Variants in RPS6KA5 observed in about 807,000 individuals in gnomAD.
The protein encoded by RPS6KA5 is ribosomal protein S6 kinase alpha-5.
Under a neutral mutation model 85.5 loss-of-function variants are expected in RPS6KA5, and 27 were observed. That is an observed-to-expected ratio of 0.32 (90% CI 0.23 to 0.44). RPS6KA5 has a LOEUF of 0.44. Among genes scored for constraint, RPS6KA5 ranks in the 20% least tolerant of loss-of-function variants. RPS6KA5 has a pLI of 1.00. For synonymous variants in RPS6KA5, 334 were observed against 348.2 expected, an observed-to-expected ratio of 0.96 and a Z score of 0.46; for missense variants, 811 against 980.9, an observed-to-expected ratio of 0.83 and a Z score of 2.31.
At chr14:91,045,461 G>A (rs1228202847) in intron 1 of RPS6KA5, among the ~76,000 whole-genome samples, 3 of 151,910 alleles carry the variant, frequency 2.0e-5, no homozygotes, top group African/African-American at 7.3e-5. Context: ...ATGGGGTTTC[G>A]CCGTGTTGGC....
intron 5 of RPS6KA5, among the ~76,000 whole-genome samples, chr14:90,924,364 T>G (rs1365080882): frequency 6.6e-6 from 1 of 152,202 alleles, no homozygotes; most frequent in African/African-American, 2.4e-5. Flanking sequence ...GAATTTGTAT[T>G]TATTTGCCTA....
At position 90,848,589 on chromosome 14, in the gene RPS6KA5, A is replaced by G. The variant is rs1268360319; in HGVS notation, c.*23485T>C. On this transcript the variant is annotated 3_prime_UTR_variant, in exon 17 of 17. Coordinates refer to ENST00000614987, the MANE Select transcript of RPS6KA5 (RefSeq NM_004755.4). Reference sequence around the variant, plus strand: ...AAATGACATAAAATGAAGATACAAAATAAAATTGATCCTTGATGTGAGAAT... The same window carrying G: ...AAATGACATAAAATGAAGATACAAAGTAAAATTGATCCTTGATGTGAGAAT... The G allele has an allele frequency of 3.3e-5, 5 of 152,204 alleles. No homozygotes were observed. The highest frequency in any genetic ancestry group is 3.3e-4 in the Admixed American group (5 of 15,272). The allele number at this position is 152,204 out of a possible 1,614,324, so 9.4% of individuals were successfully genotyped here.
At chr14:90,883,418 C>G (rs146444799) in intron 14 of RPS6KA5, among the ~76,000 whole-genome samples, 12 of 152,222 alleles carry the variant, frequency 7.9e-5, no homozygotes, top group African/African-American at 2.6e-4. Flanking sequence ...GCCTCTGAAA[C>G]CCTCTATTGA....
intron 1 of RPS6KA5, among the ~76,000 whole-genome samples, chr14:91,011,019 C>G (rs2041233171): frequency 6.6e-6 from 1 of 152,166 alleles, no homozygotes; most frequent in South Asian, 2.1e-4. Context: ...AATAGAATGC[C>G]TCAGCAGTCA....
chr14:91,006,042 A>G (rs991630655), intron 1 of RPS6KA5, among the ~76,000 whole-genome samples: 8 of 152,156 alleles, frequency 5.3e-5, no homozygotes, highest in Non-Finnish European at 1.0e-4. Context: ...TAGTTGTGGG[A>G]AAAAAGGACT....
intron 2 of RPS6KA5, among the ~76,000 whole-genome samples, chr14:90,997,319 GA>G (rs1415242290): frequency 7.2e-5 from 11 of 152,078 alleles, no homozygotes; most frequent in African/African-American, 2.4e-4. Flanking sequence ...ACCTGAAAAT[GA>G]AAAAAACATA....
intron 1 of RPS6KA5, among the ~76,000 whole-genome samples, chr14:91,043,700 T>C (rs1302500691): frequency 6.6e-6 from 1 of 152,208 alleles, no homozygotes; most frequent in Non-Finnish European, 1.5e-5. Flanking sequence ...CAAACTTACT[T>C]TGATAGGTAC....
Position 90,867,536 on chromosome 14 carries a change from A to C in RPS6KA5, c.*4538T>G, listed in dbSNP as rs1475298089. ...TTTCTGATAACCCAAGCAGCATTAT[A>C]TTAATAGTTAGAATACTACTACAAA... is the stretch of plus-strand genomic sequence containing the variant. On this transcript the variant is annotated 3_prime_UTR_variant, in exon 17 of 17. Coordinates refer to ENST00000614987, the MANE Select transcript of RPS6KA5 (RefSeq NM_004755.4). 2.0e-5 allele frequency: 3 copies of C among 152,218 alleles called. No homozygotes were observed. The highest frequency in any genetic ancestry group is 7.2e-5 in the African/African-American group (3 of 41,468). 9.4% of individuals were successfully genotyped at this position (152,218 alleles called of 1,614,324 possible). A position where few individuals can be genotyped will look rare whatever the true frequency, so the allele number is the denominator to read the frequency against.
rs2032875982 is a variant in RPS6KA5, at chr14:90,868,058, A to C, written c.*4016T>G. 1 of 152,222 alleles carries C rather than the reference A, an allele frequency of 6.6e-6. No homozygotes were observed. The highest frequency in any genetic ancestry group is 2.4e-5 in the African/African-American group (1 of 41,454). The allele number at this position is 152,222 out of a possible 1,614,324, so 9.4% of individuals were successfully genotyped here. On this transcript the variant is annotated 3_prime_UTR_variant, in exon 17 of 17. Transcript: ENST00000614987. ...GCCCCCCTGAAAATATGCTCCCCCAATAAAACACGTAAATAACTACTCTTA... is the reference window on the plus strand; with the variant it reads ...GCCCCCCTGAAAATATGCTCCCCCACTAAAACACGTAAATAACTACTCTTA...
chr14:90,970,912 A>T (rs1445833735), intron 3 of RPS6KA5, among the ~76,000 whole-genome samples: 1 of 34,518 alleles, frequency 2.9e-5, no homozygotes, highest in Non-Finnish European at 6.5e-5. Context: ...TTGTTGAATT[A>T]AAAAAAAAAA....
At chr14:90,982,219 G>C (rs2039820502) in intron 2 of RPS6KA5, among the ~76,000 whole-genome samples, 1 of 151,588 alleles carries the variant, frequency 6.6e-6, no homozygotes, top group Non-Finnish European at 1.5e-5. Flanking sequence ...GACATTATTA[G>C]AGTAATCTTA....
chr14:90,941,435 GC>G (rs1263367664), intron 5 of RPS6KA5, among the ~76,000 whole-genome samples: 6 of 152,116 alleles, frequency 3.9e-5, no homozygotes, highest in African/African-American at 1.4e-4. Flanking sequence ...CTAGAAAGCC[GC>G]CGAGGGAGTT....
At chr14:90,927,937 C>CTTTTCT (rs1555363688) in intron 5 of RPS6KA5, among the ~76,000 whole-genome samples, 2,338 of 136,290 alleles carry the variant, frequency 0.017, 25 homozygotes, top group Middle Eastern at 0.023. Flanking sequence ...CTTTTCTTTT[C>CTTTTCT]TTTTTTTTTT....
chr14:90,933,557 T>C (rs1010531399), intron 5 of RPS6KA5, among the ~76,000 whole-genome samples: 1 of 152,220 alleles, frequency 6.6e-6, no homozygotes, highest in African/African-American at 2.4e-5. Context: ...CATCTCTTGC[T>C]GGGATTACTT....
At chr14:90,992,545 T>A (rs894109664) in intron 2 of RPS6KA5, among the ~76,000 whole-genome samples, 4 of 152,242 alleles carry the variant, frequency 2.6e-5, no homozygotes, top group African/African-American at 9.6e-5. Context: ...ATTAAAAATT[T>A]CACATATATA....
intron 2 of RPS6KA5, among the ~76,000 whole-genome samples, chr14:90,983,809 C>CTCTG (rs1555372454): frequency 1.7e-4 from 21 of 127,160 alleles, no homozygotes; most frequent in Non-Finnish European, 2.9e-4. Context: ...CTCTCTCTCT[C>CTCTG]TCTCTCTGTC....
chr14:90,871,072 G>C lies in RPS6KA5; in HGVS notation c.*1002C>G, dbSNP rs897069879. On this transcript the variant is annotated 3_prime_UTR_variant, in exon 17 of 17. Transcript: ENST00000614987. Reference sequence around the variant, plus strand: ...CTACAGGAGGAAATTCCTCACTGTAGTACAACACAGTGTACAAATATGAAG... The same window carrying C: ...CTACAGGAGGAAATTCCTCACTGTACTACAACACAGTGTACAAATATGAAG... 6.6e-6 allele frequency: 1 copy of C among 152,434 alleles called. No individual in the cohort carries two copies. The highest frequency in any genetic ancestry group is 1.9e-4 in the East Asian group (1 of 5,196). The allele number at this position is 152,434 out of a possible 1,614,324, so 9.4% of individuals were successfully genotyped here. A position where few individuals can be genotyped will look rare whatever the true frequency, so the allele number is the denominator to read the frequency against.
At chr14:90,926,785 A>G (rs1198555165) in intron 5 of RPS6KA5, among the ~76,000 whole-genome samples, 2 of 152,092 alleles carry the variant, frequency 1.3e-5, no homozygotes, top group Non-Finnish European at 2.9e-5. Context: ...GCATTTTAAG[A>G]CAAAGACAGA....
At chr14:90,968,216 G>C (rs2039161899) in intron 3 of RPS6KA5, among the ~76,000 whole-genome samples, 1 of 152,000 alleles carries the variant, frequency 6.6e-6, no homozygotes, top group Admixed American at 6.6e-5. Flanking sequence ...CTAAAAGGCA[G>C]CTATGGCAGC....
Sources: allele counts gnomAD v4.1 joint callset (sites outside exome capture counted in the v4.1 genomes callset), GRCh38; gene constraint gnomAD v4.1.1; transcripts MANE v1.5; gene names NCBI Gene and HGNC (gene_info 2026-07-23, HGNC 2026-07-21).